The following PLEKHG3 variants were observed in gnomAD, a reference collection of about 807,000 sequenced individuals.
The protein encoded by PLEKHG3 is pleckstrin homology domain-containing family G member 3.
PLEKHG3 carries 62 observed loss-of-function variants against 94.9 expected under a neutral mutation model. The ratio of observed to expected loss-of-function variants is 0.65; its 90% CI spans 0.53 to 0.81. The LOEUF (loss-of-function observed/expected upper bound fraction) is 0.81, where lower values mean the gene tolerates loss of function less well. Among genes scored for constraint, PLEKHG3 ranks in the 30% least tolerant of loss-of-function variants. The pLI, the probability that PLEKHG3 is intolerant of heterozygous loss-of-function variation, is 0.00. For synonymous variants in PLEKHG3, 614 were observed against 654.0 expected (o/e 0.94, Z 0.93); for missense variants, 1,461 against 1,619.3 (o/e 0.90, Z 1.68).
chr14:64,730,561 G>A lies in PLEKHG3; in HGVS notation c.520-81G>A. 8.6e-7 allele frequency: 1 copy of A among 1,169,530 alleles called. No individual in the cohort carries two copies. Among genetic ancestry groups the A allele is most frequent in the Non-Finnish European group, 1.3e-6 (1 of 782,556 alleles). 72.4% of individuals were successfully genotyped at this position (1,169,530 alleles called of 1,614,324 possible). On this transcript the variant is annotated intron_variant, in intron 4 of 16. Transcript: ENST00000247226. The surrounding 1 kb of genome is among the most constrained non-coding windows in gnomAD (Gnocchi z 5.4). ...AACAGGGGACAGAGGGTGCTCTGGGGGCCAGGGGCCTATCTGCTACCACCA... is the reference window on the plus strand; with the variant it reads ...AACAGGGGACAGAGGGTGCTCTGGGAGCCAGGGGCCTATCTGCTACCACCA...
chr14:64,727,506 A>ATCCCCCCCCC lies in PLEKHG3; in HGVS notation c.-39-87_-39-86insTCCCCCCCCC. 3.4e-6 allele frequency: 1 copy of ATCCCCCCCCC among 297,228 alleles called. No homozygotes were observed. The highest frequency in any genetic ancestry group is 2.8e-5 in the African/African-American group (1 of 36,272). 18.4% of individuals were successfully genotyped at this position (297,228 alleles called of 1,614,324 possible). ...GCACTAAATAATACCTTCCCACCCCACCTGCCCCCACCCCTGGCAACCGTC... is the reference window on the plus strand; with the variant it reads ...GCACTAAATAATACCTTCCCACCCCATCCCCCCCCCCCTGCCCCCACCCCTGGCAACCGTC... On this transcript the variant is annotated intron_variant, in intron 1 of 16. Coordinates refer to ENST00000247226, the MANE Select transcript of PLEKHG3 (RefSeq NM_001308147.2). The surrounding 1 kb of genome is among the most constrained non-coding windows in gnomAD (Gnocchi z 6.0).
chr14:64,738,663 A>T lies in PLEKHG3; in HGVS notation c.1405-79A>T, dbSNP rs2139394228. 4 of 1,016,162 alleles carry T rather than the reference A, an allele frequency of 3.9e-6. No homozygotes were observed. The South Asian group carries it at 5.5e-5, about 14-fold the overall frequency. The allele number at this position is 1,016,162 out of a possible 1,614,324, so 62.9% of individuals were successfully genotyped here. On this transcript the variant is annotated intron_variant, in intron 14 of 16. Transcript: ENST00000247226. This position sits in a 1 kb window ranked among gnomAD's most constrained non-coding sequence, Gnocchi z 4.8. ...TCAGCCCAGCCCCTTGGGGCGTGGG[A>T]GGCACTGCCCGTGTTGGGATGCAGA...
At chr14:64,740,416 A>C (rs985738268) in intron 15 of PLEKHG3, among the ~76,000 whole-genome samples, 8 of 152,362 alleles carry the variant, frequency 5.3e-5, no homozygotes, top group African/African-American at 1.7e-4. Context: ...TTTCCTGGGC[A>C]TATGCAGTTG....
rs375349901 is a variant in PLEKHG3 at position 64,732,058 on chromosome 14, G to A, written c.1126-37G>A. The A allele has an allele frequency of 1.4e-6, 2 of 1,477,188 alleles. No homozygotes were observed. The highest frequency in any genetic ancestry group is 2.8e-5 in the African/African-American group (2 of 72,250). The allele number at this position is 1,477,188 out of a possible 1,614,324, so 91.5% of individuals were successfully genotyped here. A position where few individuals can be genotyped will look rare whatever the true frequency, so the allele number is the denominator to read the frequency against. On this transcript the variant is annotated intron_variant, in intron 9 of 16. Coordinates refer to ENST00000247226, the MANE Select transcript of PLEKHG3 (RefSeq NM_001308147.2). This position sits in a 1 kb window ranked among gnomAD's most constrained non-coding sequence, Gnocchi z 4.9. ...TGCTAGACAGCTTCAGGCCTGTAAT[G>A]ATAACCACTGGGTCCCTTTCCCTTG...
At position 64,749,757 on chromosome 14, in the gene PLEKHG3, G is replaced by C. The variant is rs1197880527; in HGVS notation, c.*6054G>C. ...CTCTGGAGGGGGCGCTGGGCAGAGG[G>C]CTGGCTCTGATCCCACAATACCCTG... On this transcript the variant is annotated 3_prime_UTR_variant, in exon 17 of 17. Transcript: ENST00000247226. This position sits in a 1 kb window ranked among gnomAD's most constrained non-coding sequence, Gnocchi z 4.7. 1.3e-6 allele frequency: 2 copies of C among 1,587,904 alleles called. No individual in the cohort carries two copies. The highest frequency in any genetic ancestry group is 8.6e-7 in the Non-Finnish European group (1 of 1,163,848).
At chr14:64,714,123 A>G (rs1357678251) in intron 1 of PLEKHG3, among the ~76,000 whole-genome samples, 2 of 151,890 alleles carry the variant, frequency 1.3e-5, no homozygotes, top group East Asian at 3.8e-4. Context: ...CAATTTTCTG[A>G]CTTCCTTATG....
At position 64,727,813 on chromosome 14, in the gene PLEKHG3, GCAA is replaced by G. The variant is rs1303690985; in HGVS notation, c.190_192del (p.Asn64del). 51 of 1,612,344 alleles carry G rather than the reference GCAA, an allele frequency of 3.2e-5. No individual in the cohort carries two copies. The highest frequency in any genetic ancestry group is 3.3e-4 in the Middle Eastern group (2 of 6,056). On this transcript the variant is annotated inframe_deletion, in exon 2 of 17. Coordinates refer to ENST00000247226, the MANE Select transcript of PLEKHG3 (RefSeq NM_001308147.2). This position sits in a 1 kb window ranked among gnomAD's most constrained non-coding sequence, Gnocchi z 6.0. ...CTGAGAAGCCGGCATCTGCCCAACAGCAACAACAACTCCAGCAGCTGGTTGAAC... is the reference window on the plus strand; with the variant it reads ...CTGAGAAGCCGGCATCTGCCCAACAGCAACAACTCCAGCAGCTGGTTGAAC...
In PLEKHG3 at chr14:64,722,206, C is replaced by A. The variant is rs941846889; in HGVS notation, c.-39-5387C>A. Among the ~76,000 whole-genome samples, 5 of 152,040 alleles carry A rather than the reference C, an allele frequency of 3.3e-5. No individual in the cohort carries two copies. The highest frequency in any genetic ancestry group is 2.0e-4 in the Admixed American group (3 of 15,274). ...ATCGCCGTTCCTGAGTGAGGACTTT[C>A]TTTCTTCCTTTCTTTTTTTGTTTTT... On this transcript the variant is annotated intron_variant, in intron 1 of 16. Coordinates refer to ENST00000247226, the MANE Select transcript of PLEKHG3 (RefSeq NM_001308147.2). The surrounding 1 kb of genome is among the most constrained non-coding windows in gnomAD (Gnocchi z 4.3).
rs775215178 is a variant in PLEKHG3 at position 64,729,053 on chromosome 14, G to A, written c.409G>A (p.Ala137Thr). The change falls in exon 3 of 17, where the codon GCC (alanine) becomes ACC (threonine). Residue 137 changes from alanine (A) to threonine (T), a missense_variant. Coordinates refer to ENST00000247226, the MANE Select transcript of PLEKHG3 (RefSeq NM_001308147.2). Reference protein sequence around the residue: ...PGLLKPEQVSALFGNIENIYA... With the variant: ...PGLLKPEQVSTLFGNIENIYA... ...GCTGCTGAAGCCAGAACAGGTCAGC[G>A]CCCTCTTTGGGAACATAGAAAATAT... The A allele has an allele frequency of 5.2e-6, 8 of 1,526,548 alleles. No homozygotes were observed. The South Asian group carries it at 6.0e-5, about 11-fold the overall frequency. 94.6% of individuals were successfully genotyped at this position (1,526,548 alleles called of 1,614,324 possible). A position where few individuals can be genotyped will look rare whatever the true frequency, so the allele number is the denominator to read the frequency against.
In PLEKHG3 at chr14:64,730,845, A is replaced by C. The variant is rs1240747814; in HGVS notation, c.613A>C (p.Lys205Gln). 1 of 1,613,584 alleles carries C rather than the reference A, an allele frequency of 6.2e-7. No homozygotes were observed. Among genetic ancestry groups the C allele is most frequent in the Admixed American group, 1.7e-5 (1 of 60,026 alleles). The change falls in exon 6 of 17, where the codon AAG becomes CAG. Residue 205 changes from lysine to glutamine, a missense_variant. By Grantham distance (53) the Lys-to-Gln change is moderately conservative (BLOSUM62 1). Coordinates refer to ENST00000247226, the MANE Select transcript of PLEKHG3 (RefSeq NM_001308147.2). This position sits in a 1 kb window ranked among gnomAD's most constrained non-coding sequence, Gnocchi z 5.4. ...TECMRDKQQA[K>Q]FFRDRQELLQ... ...ATGCATGCGGGACAAGCAGCAGGCC[A>C]AGTTCTTTCGGGACCGGCAGGAGCT...
At position 64,730,450 on chromosome 14, in the gene PLEKHG3, A is replaced by G. The variant is rs905268251; in HGVS notation, c.519+138A>G. ...CCTGGGTGCTCTATCTTGAATGAGA[A>G]GGGTGTTCTGAGGGGAGCCAGGGCT... On this transcript the variant is annotated intron_variant, in intron 4 of 16. Transcript: ENST00000247226. The surrounding 1 kb of genome is among the most constrained non-coding windows in gnomAD (Gnocchi z 5.4). 6.7e-6 allele frequency: 5 copies of G among 749,606 alleles called. No homozygotes were observed. The highest frequency in any genetic ancestry group is 1.7e-5 in the African/African-American group (1 of 57,780). 46.4% of individuals were successfully genotyped at this position (749,606 alleles called of 1,614,324 possible).
At position 64,732,856 on chromosome 14, in the gene PLEKHG3, C is replaced by G; in HGVS notation, c.1300C>G (p.Gln434Glu). Residue 434 changes from glutamine (Q) to glutamate (E), a missense_variant, in exon 12 of 17, where the codon CAG becomes GAG. By Grantham distance (29) the Gln-to-Glu change is conservative. Around this residue, in one of 3 missense-constraint regions of PLEKHG3, gnomAD observed 1,201 missense variants for 1,295.5 expected, o/e 0.93. Coordinates refer to ENST00000247226, the MANE Select transcript of PLEKHG3 (RefSeq NM_001308147.2). The surrounding 1 kb of genome is among the most constrained non-coding windows in gnomAD (Gnocchi z 4.9). The part of the protein sequence containing the change: ...PERLKKAWSS[Q>E]DEVSTNVRQG... ...GCGGCTGAAGAAGGCTTGGTCCTCC[C>G]AGGATGAGGTGTCCACCAATGTGCG... is the stretch of plus-strand genomic sequence containing the variant. 1.2e-6 allele frequency: 2 copies of G among 1,611,192 alleles called. No individual in the cohort carries two copies. The highest frequency in any genetic ancestry group is 8.5e-7 in the Non-Finnish European group (1 of 1,179,100).
In PLEKHG3 at chr14:64,738,946, T is replaced by G. The variant is rs2081631203; in HGVS notation, c.1518+91T>G. On this transcript the variant is annotated intron_variant, in intron 15 of 16. Coordinates refer to ENST00000247226, the MANE Select transcript of PLEKHG3 (RefSeq NM_001308147.2). This position sits in a 1 kb window ranked among gnomAD's most constrained non-coding sequence, Gnocchi z 4.8. ...AAATAGGGCTTTCAGGCACAGGCTC[T>G]CCCACTGGGCCCATGGGAACAGAGA... 1 of 785,964 alleles carries G rather than the reference T, an allele frequency of 1.3e-6. No individual in the cohort carries two copies. The highest frequency in any genetic ancestry group is 2.7e-5 in the East Asian group (1 of 37,170). 48.7% of individuals were successfully genotyped at this position (785,964 alleles called of 1,614,324 possible).
chr14:64,732,311 C>A lies in PLEKHG3; in HGVS notation c.1213-116C>A. 8.1e-7 allele frequency: 1 copy of A among 1,231,166 alleles called. No individual in the cohort carries two copies. Among genetic ancestry groups the A allele is most frequent in the Non-Finnish European group, 1.2e-6 (1 of 833,542 alleles). 76.3% of individuals were successfully genotyped at this position (1,231,166 alleles called of 1,614,324 possible). On this transcript the variant is annotated intron_variant, in intron 10 of 16. Coordinates refer to ENST00000247226, the MANE Select transcript of PLEKHG3 (RefSeq NM_001308147.2). The surrounding 1 kb of genome is among the most constrained non-coding windows in gnomAD (Gnocchi z 4.9). Reference sequence around the variant, plus strand: ...ACAGTGAGTGTCAGTACAGCAGATGCCCCGGGCCTTGGTGCAGCACTGTGG... The same window carrying A: ...ACAGTGAGTGTCAGTACAGCAGATGACCCGGGCCTTGGTGCAGCACTGTGG...
In PLEKHG3 at chr14:64,716,496, AACACACACACACAC is replaced by A. The variant is rs58480790; in HGVS notation, c.-39-11055_-39-11042del. On this transcript the variant is annotated intron_variant, in intron 1 of 16. Coordinates refer to ENST00000247226, the MANE Select transcript of PLEKHG3 (RefSeq NM_001308147.2). The surrounding 1 kb of genome is among the most constrained non-coding windows in gnomAD (Gnocchi z 5.0). ...ACACACACACAACACACACACACACAACACACACACACACACACACACACACACACACACACACA... is the reference window on the plus strand; with the variant it reads ...ACACACACACAACACACACACACACAACACACACACACACACACACACACA... Among the ~76,000 whole-genome samples the A allele has an allele frequency of 6.2e-3, 495 of 79,510 alleles. 7 individuals are homozygous for A. The highest frequency in any genetic ancestry group is 0.018 in the African/African-American group (350 of 19,636). The allele number at this position is 79,510 out of a possible 152,430, so 52.2% of individuals were successfully genotyped here. A position where few individuals can be genotyped will look rare whatever the true frequency, so the allele number is the denominator to read the frequency against.
At position 64,716,256 on chromosome 14, in the gene PLEKHG3, G is replaced by A. The variant is rs2081143115; in HGVS notation, c.-39-11337G>A. On this transcript the variant is annotated intron_variant, in intron 1 of 16. Transcript: ENST00000247226. This position sits in a 1 kb window ranked among gnomAD's most constrained non-coding sequence, Gnocchi z 5.0. ...TTTCCCTTGTGGGTTAGACACTGAG[G>A]ACCATAAAGGGAGCAGGCATAGGTG... 6.6e-6 allele frequency among the ~76,000 whole-genome samples: 1 copy of A among 152,142 alleles called. No homozygotes were observed. The highest frequency in any genetic ancestry group is 2.4e-5 in the African/African-American group (1 of 41,436).
Position 64,732,851 on chromosome 14 carries a change from C to G in PLEKHG3, c.1295C>G (p.Ser432Cys). The change falls in exon 12 of 17, where the codon TCC (serine) becomes TGC (cysteine). Residue 432 changes from serine (S) to cysteine (C), a missense_variant. Ser to Cys is a moderately radical substitution (Grantham distance 112). Coordinates refer to ENST00000247226, the MANE Select transcript of PLEKHG3 (RefSeq NM_001308147.2). This position sits in a 1 kb window ranked among gnomAD's most constrained non-coding sequence, Gnocchi z 4.9. The stretch of plus-strand genomic sequence containing the variant: ...CCAGAGCGGCTGAAGAAGGCTTGGT[C>G]CTCCCAGGATGAGGTGTCCACCAAT... ...CSPERLKKAW[S>C]SQDEVSTNVR... The G allele has an allele frequency of 6.2e-7, 1 of 1,611,232 alleles. No individual in the cohort carries two copies. The highest frequency in any genetic ancestry group is 1.1e-5 in the South Asian group (1 of 90,140).
chr14:64,741,606 CCT>C lies in PLEKHG3; in HGVS notation c.2090_2091del (p.Pro697ArgfsTer24). ...EPPSPGCPVE[P>X]DRSSCKKKES... ...CCCAAGCCCAGGCTGCCCAGTGGAG[CCT>C]GACCGGTCTTCCTGCAAGAAGAAGG... On this transcript the variant is annotated frameshift_variant, in exon 16 of 17. Coordinates refer to ENST00000247226, the MANE Select transcript of PLEKHG3 (RefSeq NM_001308147.2). LOFTEE classifies it high-confidence loss of function. 6.2e-7 allele frequency: 1 copy of C among 1,612,978 alleles called. No individual in the cohort carries two copies. The highest frequency in any genetic ancestry group is 8.5e-7 in the Non-Finnish European group (1 of 1,180,032).
At position 64,730,854 on chromosome 14, in the gene PLEKHG3, C is replaced by T. The variant is rs148652986; in HGVS notation, c.622C>T (p.Arg208Trp). The change falls in exon 6 of 17, where the codon CGG becomes TGG. Residue 208 changes from arginine (R) to tryptophan (W), a missense_variant. Physicochemically the swap from Arg to Trp is moderately radical, Grantham distance 101. Transcript: ENST00000247226. This position sits in a 1 kb window ranked among gnomAD's most constrained non-coding sequence, Gnocchi z 5.4. ...GGACAAGCAGCAGGCCAAGTTCTTT[C>T]GGGACCGGCAGGAGCTGCTACAGCA... ...MRDKQQAKFF[R>W]DRQELLQHSL... The T allele has an allele frequency of 2.2e-5, 36 of 1,613,368 alleles. No homozygotes were observed. The highest frequency in any genetic ancestry group is 9.9e-5 in the South Asian group (9 of 91,086).
Sources: gnomAD v4.1 joint callset for allele counts (sites outside exome capture counted in the v4.1 genomes callset) on GRCh38, gnomAD v4.1.1 for gene constraint, gnomAD v4.1.1 regional missense constraint, Gnocchi (gnomAD v3.1) non-coding constraint, MANE v1.5 for transcripts, NCBI Gene and HGNC (gene_info 2026-07-23, HGNC 2026-07-21) for gene names.